Variants in NEDD4L observed in about 807,000 individuals in gnomAD.
NEDD4L encodes NEDD4 like E3 ubiquitin protein ligase, also known as E3 ubiquitin-protein ligase NEDD4-like.
A neutral mutation model predicts 148.9 loss-of-function variants in NEDD4L; 54 were observed. The observed-to-expected ratio is 0.36, with a 90% CI of 0.29 to 0.45. The LOEUF is 0.45. Ranked by LOEUF, NEDD4L falls within the 20% of genes least tolerant of loss-of-function variation. NEDD4L has a pLI of 1.00. For missense variants in NEDD4L, 856 were observed against 1,233.8 expected (o/e 0.69, Z 4.59); for synonymous variants, 433 against 440.7 (o/e 0.98, Z 0.22).
intron 18 of NEDD4L, among the ~76,000 whole-genome samples, chr18:58,356,368 C>A (rs2044657872): frequency 6.6e-6 from 1 of 151,930 alleles, no homozygotes; most frequent in African/African-American, 2.4e-5. Context: ...TGCCCCACCC[C>A]CCGTACCTTT....
At chr18:58,343,937 T>G (rs1033437765) in intron 16 of NEDD4L, among the ~76,000 whole-genome samples, 1 of 152,246 alleles carries the variant, frequency 6.6e-6, no homozygotes, top group Non-Finnish European at 1.5e-5. Context: ...TTCTGGCTAT[T>G]TTTGATGCTG....
chr18:58,118,023 C>T (rs2085968764), intron 1 of NEDD4L, among the ~76,000 whole-genome samples: 1 of 152,234 alleles, frequency 6.6e-6, no homozygotes, highest in Admixed American at 6.5e-5. Context: ...GGACTTGACA[C>T]TGGAGACTGC....
At chr18:58,308,500 GA>G (rs1403049970) in intron 5 of NEDD4L, among the ~76,000 whole-genome samples, 1 of 152,222 alleles carries the variant, frequency 6.6e-6, no homozygotes, top group Non-Finnish European at 1.5e-5. Flanking sequence ...TCCCTCCTCT[GA>G]AAAGGTACAA....
intron 2 of NEDD4L, among the ~76,000 whole-genome samples, chr18:58,208,421 A>G (rs2042184751): frequency 6.6e-6 from 1 of 152,238 alleles, no homozygotes; most frequent in Non-Finnish European, 1.5e-5. Context: ...CTAAAAATGG[A>G]AACGTGAGTC....
At position 58,329,046 on chromosome 18, in the gene NEDD4L, A is replaced by T. The variant is rs1479967655; in HGVS notation, c.732A>T (p.Ala244=). The T allele has an allele frequency of 2.5e-6, 4 of 1,614,056 alleles. No individual in the cohort carries two copies. The South Asian group carries it at 4.4e-5, about 18-fold the overall frequency. Residue 244 remains alanine (A), a synonymous_variant, in exon 10 of 31, where the codon GCA becomes GCT. Transcript: ENST00000400345. ...DNNIRQINQE[A]AHRRFRSRRH... is the part of the protein sequence containing the mutation. ...ACATCAGACAGATCAACCAGGAGGC[A>T]GCACACCGGCGCTTCCGCTCCCGCA...
chr18:58,056,894 C>CTTTTTTTTTTTTT (rs74183230), intron 1 of NEDD4L, among the ~76,000 whole-genome samples: 321 of 121,330 alleles, frequency 2.6e-3, no homozygotes, highest in Middle Eastern at 5.3e-3. Flanking sequence ...GCTATGCCCT[C>CTTTTTTTTTTTTT]TTTTTTTTTT....
intron 1 of NEDD4L, among the ~76,000 whole-genome samples, chr18:58,059,327 A>G (rs1375166617): frequency 6.6e-6 from 1 of 152,200 alleles, no homozygotes; most frequent in East Asian, 1.9e-4. Context: ...TCTAGGCCCC[A>G]AGAAAGGCAA....
intron 1 of NEDD4L, among the ~76,000 whole-genome samples, chr18:58,110,325 T>C (rs2085341761): frequency 6.6e-6 from 1 of 152,230 alleles, no homozygotes; most frequent in Non-Finnish European, 1.5e-5. Context: ...CCCTGAAGAA[T>C]AGAGCTTGCA....
At chr18:58,383,936 G>C (rs2048677189) in intron 25 of NEDD4L, among the ~76,000 whole-genome samples, 1 of 152,162 alleles carries the variant, frequency 6.6e-6, no homozygotes, top group Admixed American at 6.5e-5. Flanking sequence ...TTCTTTTTTA[G>C]TGTATATGTG....
At chr18:58,235,462 G>T (rs778306174) in intron 2 of NEDD4L, among the ~76,000 whole-genome samples, 1 of 152,184 alleles carries the variant, frequency 6.6e-6, no homozygotes, top group Non-Finnish European at 1.5e-5. Context: ...GAAGTGAAGT[G>T]CAAGCCGAGT....
At chr18:58,104,152 A>G (rs529106719) in intron 1 of NEDD4L, among the ~76,000 whole-genome samples, 19 of 152,342 alleles carry the variant, frequency 1.2e-4, no homozygotes, top group African/African-American at 4.3e-4. Context: ...AAGTACTGAT[A>G]CCTGCTACAA....
chr18:58,092,050 T>C (rs979576013), intron 1 of NEDD4L, among the ~76,000 whole-genome samples: 5 of 152,266 alleles, frequency 3.3e-5, no homozygotes, highest in Admixed American at 2.0e-4. Context: ...AGGTTTTCTT[T>C]GTAGCTTTGT....
intron 1 of NEDD4L, among the ~76,000 whole-genome samples, chr18:58,152,627 C>T (rs1287861092): frequency 6.6e-6 from 1 of 152,218 alleles, no homozygotes; most frequent in African/African-American, 2.4e-5. Context: ...CATCTGGGTG[C>T]TTACAAACAT....
chr18:58,084,678 T>TGG (rs2083660946), intron 1 of NEDD4L, among the ~76,000 whole-genome samples: 6 of 129,434 alleles, frequency 4.6e-5, no homozygotes, highest in Non-Finnish European at 9.2e-5. Flanking sequence ...TTTTTGTGTG[T>TGG]GTGTGTGTGT....
intron 1 of NEDD4L, among the ~76,000 whole-genome samples, chr18:58,144,263 C>T (rs113095451): frequency 3.3e-5 from 5 of 152,204 alleles, no homozygotes; most frequent in African/African-American, 1.2e-4. Context: ...ATGCATGATG[C>T]TGACATCTGC....
chr18:58,106,723 A>C (rs183891898), intron 1 of NEDD4L, among the ~76,000 whole-genome samples: 1 of 152,316 alleles, frequency 6.6e-6, no homozygotes, highest in South Asian at 2.1e-4. Flanking sequence ...GTACAATAAC[A>C]TTTTTGGTCA....
chr18:58,284,931 GT>G (rs1324191992), intron 5 of NEDD4L, among the ~76,000 whole-genome samples: 1 of 152,174 alleles, frequency 6.6e-6, no homozygotes, highest in Non-Finnish European at 1.5e-5. Flanking sequence ...TAACTTTCCT[GT>G]TTGTGGCTCT....
intron 1 of NEDD4L, among the ~76,000 whole-genome samples, chr18:58,048,511 A>G (rs1489969477): frequency 6.6e-6 from 1 of 152,220 alleles, no homozygotes; most frequent in African/African-American, 2.4e-5. Flanking sequence ...AAAACAAGTT[A>G]AGTTATGGAG....
At chr18:58,275,510 C>A (rs141855821) in intron 5 of NEDD4L, among the ~76,000 whole-genome samples, 2 of 152,326 alleles carry the variant, frequency 1.3e-5, no homozygotes, top group African/African-American at 4.8e-5. Context: ...TCTCCCATTT[C>A]TTGGGTCATT....
Sources: allele counts gnomAD v4.1 joint callset (sites outside exome capture counted in the v4.1 genomes callset), GRCh38; gene constraint gnomAD v4.1.1; transcripts MANE v1.5; gene names NCBI Gene and HGNC (gene_info 2026-07-23, HGNC 2026-07-21).